Variants in OTUD4 observed in about 807,000 individuals in gnomAD.
The protein encoded by OTUD4 is OTU domain-containing protein 4.
OTUD4 carries 24 observed loss-of-function variants against 130.4 expected under a neutral mutation model. The ratio of observed to expected loss-of-function variants is 0.18; its 90% CI spans 0.13 to 0.26. The LOEUF (loss-of-function observed/expected upper bound fraction) is 0.26. Ranked by LOEUF, OTUD4 falls within the 10% of genes least tolerant of loss-of-function variation. The probability of loss-of-function intolerance (pLI) is 1.00; values close to 1 mark genes in which losing one functional copy is unlikely to be tolerated. For synonymous variants in OTUD4, 420 were observed against 472.5 expected, an observed-to-expected ratio of 0.89 and a Z score of 1.44; for missense variants, 1,031 against 1,329.4, an observed-to-expected ratio of 0.78 and a Z score of 3.49.
At chr4:145,167,081 A>G (rs1579282621) in intron 3 of OTUD4, among the ~76,000 whole-genome samples, 1 of 152,212 alleles carries the variant, frequency 6.6e-6, no homozygotes, top group South Asian at 2.1e-4. Flanking sequence ...GGAAGTTAAC[A>G]TGAGGAAAAA....
intron 3 of OTUD4, among the ~76,000 whole-genome samples, chr4:145,166,752 A>G (rs940498294): frequency 6.6e-6 from 1 of 152,184 alleles, no homozygotes; most frequent in African/African-American, 2.4e-5. Flanking sequence ...AGGGAGGAGA[A>G]CCACTTGAAG....
chr4:145,164,684 T>C (rs1312570648), intron 4 of OTUD4, among the ~76,000 whole-genome samples: 5 of 152,134 alleles, frequency 3.3e-5, no homozygotes, highest in Admixed American at 1.3e-4. Flanking sequence ...TTGGAGCATT[T>C]TGGATTTCAG....
chr4:145,152,263 C>T (rs2126764079), intron 11 of OTUD4, among the ~76,000 whole-genome samples: 1 of 152,226 alleles, frequency 6.6e-6, no homozygotes, highest in African/African-American at 2.4e-5. Flanking sequence ...CAGGCATGCG[C>T]TGCCATGTCC....
chr4:145,135,097 C>T lies in OTUD4; in HGVS notation c.*2333G>A, dbSNP rs1009839459. The T allele has an allele frequency of 1.6e-5, 6 of 364,892 alleles. No individual in the cohort carries two copies. Among genetic ancestry groups the T allele is most frequent in the East Asian group, 4.0e-5 (1 of 25,280 alleles). 22.6% of individuals were successfully genotyped at this position (364,892 alleles called of 1,614,324 possible). A position where few individuals can be genotyped will look rare whatever the true frequency, so the allele number is the denominator to read the frequency against. On this transcript the variant is annotated 3_prime_UTR_variant, in exon 21 of 21. Transcript: ENST00000447906. ...AAAAACAAACTTAAAGGAAAAAAAGCGAAACCAACCTTCATGCAAAGATTA... is the reference window on the plus strand; with the variant it reads ...AAAAACAAACTTAAAGGAAAAAAAGTGAAACCAACCTTCATGCAAAGATTA...
At chr4:145,171,801 T>C in intron 2 of OTUD4, 81 bp from the exon 3 acceptor site, 1 of 740,040 alleles carries the variant, frequency 1.4e-6, no homozygotes, top group Non-Finnish European at 2.4e-6. Flanking sequence ...AAACATTCAC[T>C]GTGAATTACT....
rs1177329995 is a variant in OTUD4 at position 145,168,668 on chromosome 4, C to G, written c.294+3002G>C. On this transcript the variant is annotated intron_variant, in intron 3 of 20. Coordinates refer to ENST00000447906, the MANE Select transcript of OTUD4 (RefSeq NM_001366057.1). ...CAAGTTAAATCACAAAGAGTGCTGG[C>G]AAATATGTGGAGAAACTGAAATTCT... Among the ~76,000 whole-genome samples the G allele has an allele frequency of 2.0e-5, 3 of 152,152 alleles. No individual in the cohort carries two copies. The East Asian group carries it at 5.8e-4, about 29-fold the overall frequency.
At chr4:145,169,424 A>G (rs889638526) in intron 3 of OTUD4, among the ~76,000 whole-genome samples, 1 of 152,226 alleles carries the variant, frequency 6.6e-6, no homozygotes, top group African/African-American at 2.4e-5. Flanking sequence ...TATCCATCAA[A>G]TATCTGCCAA....
intron 7 of OTUD4, among the ~76,000 whole-genome samples, chr4:145,158,208 G>A (rs1236135281): frequency 1.3e-5 from 2 of 152,146 alleles, no homozygotes; most frequent in South Asian, 2.1e-4. Context: ...TATACAGGCT[G>A]GGCAGTGGCT....
chr4:145,140,892 G>A (rs1013275192), intron 19 of OTUD4, among the ~76,000 whole-genome samples: 8 of 151,984 alleles, frequency 5.3e-5, no homozygotes, highest in Non-Finnish European at 8.8e-5. Context: ...TGGGCCAGGC[G>A]CGGTGGCTCA....
chr4:145,171,916 G>T (rs984068013), intron 2 of OTUD4, among the ~76,000 whole-genome samples, 196 bp from the exon 3 acceptor site: 1 of 152,144 alleles, frequency 6.6e-6, no homozygotes. Flanking sequence ...ACATACAAAA[G>T]AATTTAAAGA....
At chr4:145,166,804 A>C (rs1374830197) in intron 3 of OTUD4, among the ~76,000 whole-genome samples, 1 of 152,218 alleles carries the variant, frequency 6.6e-6, no homozygotes, top group African/African-American at 2.4e-5. Flanking sequence ...GCGCTGCTGC[A>C]CTCCAGCCTG....
chr4:145,179,601 C>T, intron 1 of OTUD4: 1 of 1,381,800 alleles, frequency 7.2e-7, no homozygotes, highest in Non-Finnish European at 9.3e-7. Flanking sequence ...AGAGAGACAC[C>T]CCGTTAATTT....
rs368037890 is a variant in OTUD4, at chr4:145,134,911, A to G, written c.*2519T>C. On this transcript the variant is annotated 3_prime_UTR_variant, in exon 21 of 21. Transcript: ENST00000447906. ...GTGAAGTTTCATAATTTCCAACTCAAAAATACAAATGATCCTCAGTTCTAT... is the reference window on the plus strand; with the variant it reads ...GTGAAGTTTCATAATTTCCAACTCAGAAATACAAATGATCCTCAGTTCTAT... 79 of 398,896 alleles carry G rather than the reference A, an allele frequency of 2.0e-4. No individual in the cohort carries two copies. Among genetic ancestry groups the G allele is most frequent in the African/African-American group, 1.5e-3 (73 of 48,754 alleles). The allele number at this position is 398,896 out of a possible 1,614,324, so 24.7% of individuals were successfully genotyped here. A position where few individuals can be genotyped will look rare whatever the true frequency, so the allele number is the denominator to read the frequency against.
At chr4:145,176,056 C>T (rs1327972049) in intron 1 of OTUD4, among the ~76,000 whole-genome samples, 5 of 145,676 alleles carry the variant, frequency 3.4e-5, no homozygotes, top group Non-Finnish European at 4.5e-5. Flanking sequence ...TTTTTTTTTC[C>T]GGCTCATTTT....
intron 2 of OTUD4, among the ~76,000 whole-genome samples, chr4:145,172,230 T>G (rs1287156327): frequency 6.6e-6 from 1 of 152,234 alleles, no homozygotes; most frequent in East Asian, 1.9e-4. Flanking sequence ...CATTCTGAAC[T>G]GAGAAATTAT....
intron 3 of OTUD4, among the ~76,000 whole-genome samples, chr4:145,166,854 A>C (rs1051997487): frequency 3.9e-5 from 6 of 152,226 alleles, no homozygotes; most frequent in African/African-American, 1.2e-4. Flanking sequence ...AAAATAATTC[A>C]TGTTTCAGCC....
At chr4:145,161,370 A>G (rs1036613151) in intron 6 of OTUD4, among the ~76,000 whole-genome samples, 1 of 152,186 alleles carries the variant, frequency 6.6e-6, no homozygotes, top group Non-Finnish European at 1.5e-5. Context: ...CAGAGGCTAC[A>G]CTTCGATATC....
chr4:145,168,446 A>C (rs969067449), intron 3 of OTUD4, among the ~76,000 whole-genome samples: 3 of 151,206 alleles, frequency 2.0e-5, no homozygotes, highest in East Asian at 3.8e-4. Flanking sequence ...GAAAGCCAAA[A>C]TACAAACTAG....
At chr4:145,153,346 C>G (rs550920917) in intron 10 of OTUD4, among the ~76,000 whole-genome samples, 47 of 152,258 alleles carry the variant, frequency 3.1e-4, no homozygotes, top group Non-Finnish European at 5.6e-4. Flanking sequence ...CACTTGCCAG[C>G]AATATGACCT....
Sources: gnomAD v4.1 joint callset for allele counts (sites outside exome capture counted in the v4.1 genomes callset) on GRCh38, gnomAD v4.1.1 for gene constraint, MANE v1.5 for transcripts, NCBI Gene and HGNC (gene_info 2026-07-23, HGNC 2026-07-21) for gene names.